LRFN2: variants seen among roughly 807,000 people sequenced by gnomAD.
The protein encoded by LRFN2 is leucine rich repeat and fibronectin type III domain containing 2.
A neutral mutation model predicts 37.3 loss-of-function variants in LRFN2; 18 were observed. The ratio of observed to expected loss-of-function variants is 0.48; its 90% confidence interval spans 0.33 to 0.72. The LOEUF is 0.72. LRFN2 is among the 30% of genes least tolerant of loss of function. The pLI, the probability that LRFN2 is intolerant of heterozygous loss-of-function variation, is 0.02. For missense variants in LRFN2, 1,006 were observed against 1,060.7 expected (o/e 0.95, Z 0.72); for synonymous variants, 556 against 466.6 (o/e 1.19, Z -2.47).
chr6:40,501,900 G>A (rs1765391437), intron 1 of LRFN2: 1 of 152,174 alleles, frequency 6.6e-6, no homozygotes, highest in Non-Finnish European at 1.5e-5. Context: ...TCGGTAGCCT[G>A]AACATTCCAC....
At chr6:40,410,594 C>T (rs1762945877) in intron 2 of LRFN2, among the ~76,000 whole-genome samples, 1 of 152,206 alleles carries the variant, frequency 6.6e-6, no homozygotes, top group Non-Finnish European at 1.5e-5. Flanking sequence ...CAAGCACTGG[C>T]ATACAATATA....
chr6:40,555,510 A>G (rs1041003392), intron 1 of LRFN2, among the ~76,000 whole-genome samples: 2 of 152,212 alleles, frequency 1.3e-5, no homozygotes, highest in Non-Finnish European at 2.9e-5. Context: ...TAACAGCCAG[A>G]GACAGTGTTG....
intron 1 of LRFN2, among the ~76,000 whole-genome samples, chr6:40,460,115 C>T (rs1262020910): frequency 1.3e-5 from 2 of 152,230 alleles, no homozygotes; most frequent in African/African-American, 2.4e-5. Flanking sequence ...GTTCAGAAGT[C>T]CCCATGTGGA....
chr6:40,543,105 A>T (rs973763718), intron 1 of LRFN2, among the ~76,000 whole-genome samples: 2 of 152,230 alleles, frequency 1.3e-5, no homozygotes, highest in African/African-American at 4.8e-5. Flanking sequence ...GATATTCTGA[A>T]GTAATCTTGA....
At chr6:40,522,961 A>G (rs1049226739) in intron 1 of LRFN2, among the ~76,000 whole-genome samples, 3 of 152,204 alleles carry the variant, frequency 2.0e-5, no homozygotes, top group Admixed American at 1.3e-4. Flanking sequence ...AGTGTGTAAT[A>G]AGGGAAGGAC....
At chr6:40,551,437 C>G (rs1766776912) in intron 1 of LRFN2, among the ~76,000 whole-genome samples, 1 of 152,196 alleles carries the variant, frequency 6.6e-6, no homozygotes, top group Admixed American at 6.5e-5. Flanking sequence ...TCAAGCTTCT[C>G]CTGAAGCCCA....
At chr6:40,511,971 G>A (rs1765720587) in intron 1 of LRFN2, among the ~76,000 whole-genome samples, 1 of 152,204 alleles carries the variant, frequency 6.6e-6, no homozygotes, top group South Asian at 2.1e-4. Flanking sequence ...GGCTGAGGAA[G>A]AGGCAGGGAG....
intron 1 of LRFN2, among the ~76,000 whole-genome samples, chr6:40,435,052 T>TATATATAGAGAGAG (rs1482968698): frequency 3.5e-4 from 13 of 37,540 alleles, no homozygotes; most frequent in South Asian, 1.3e-3. Flanking sequence ...TATATATATA[T>TATATATAGAGAGAG]AGAGAGAGAG....
In LRFN2 at chr6:40,410,101, G is replaced by A. The variant is rs528287987; in HGVS notation, c.1401-17189C>T. ...GTGGGCAGCTGGGAAGCCCCACTCT[G>A]TCCAGCCAAGTGGAAGGTCCTGATG... is the stretch of plus-strand genomic sequence containing the variant. On this transcript the variant is annotated intron_variant, in intron 2 of 2. Coordinates refer to ENST00000338305, the MANE Select transcript of LRFN2 (RefSeq NM_020737.3). Among the ~76,000 whole-genome samples the A allele has an allele frequency of 3.3e-5, 5 of 152,262 alleles. No individual in the cohort carries two copies. The South Asian group carries it at 1.0e-3, about 32-fold the overall frequency.
chr6:40,471,329 A>G lies in LRFN2; in HGVS notation c.-18-38198T>C, dbSNP rs149855262. On this transcript the variant is annotated intron_variant, in intron 1 of 2. Coordinates refer to ENST00000338305, the MANE Select transcript of LRFN2 (RefSeq NM_020737.3). ...ATGGATGGCTCTAGTCTCCTGGCAA[A>G]GTAATGAGTAGGCTGTCACTGCATG... is the stretch of plus-strand genomic sequence containing the variant. 5.5e-4 allele frequency among the ~76,000 whole-genome samples: 84 copies of G among 152,276 alleles called. 1 individual carries two copies. In the East Asian group the frequency reaches 0.016, roughly 29 times the overall value.
intron 1 of LRFN2, among the ~76,000 whole-genome samples, chr6:40,573,486 T>C (rs1240714706): frequency 1.3e-5 from 2 of 152,218 alleles, no homozygotes; most frequent in Non-Finnish European, 2.9e-5. Flanking sequence ...GGACAGCATC[T>C]CTGAGCCTGC....
Position 40,533,653 on chromosome 6 carries a change from C to T in LRFN2, c.-19+53288G>A, listed in dbSNP as rs182325219. ...GGCCAGAACATCCCTGCTTTGGACA[C>T]AAAATAAAGGCAGAAGTAGCCCTTA... On this transcript the variant is annotated intron_variant, in intron 1 of 2. Transcript: ENST00000338305. 6.3e-4 allele frequency among the ~76,000 whole-genome samples: 96 copies of T among 152,238 alleles called. 1 individual carries two copies. The highest frequency in any genetic ancestry group is 3.4e-3 in the Middle Eastern group (1 of 294).
intron 1 of LRFN2, among the ~76,000 whole-genome samples, chr6:40,438,390 C>G (rs1763743774): frequency 6.6e-6 from 1 of 152,194 alleles, no homozygotes; most frequent in Non-Finnish European, 1.5e-5. Flanking sequence ...CTGCTGGCCA[C>G]TGGTAGGGTT....
chr6:40,400,013 T>C (rs185447192), intron 2 of LRFN2, among the ~76,000 whole-genome samples: 1 of 151,920 alleles, frequency 6.6e-6, no homozygotes, highest in East Asian at 1.9e-4. Flanking sequence ...CAGTGGTCCC[T>C]CTTCCTTAGC....
chr6:40,473,923 A>G (rs1764658208), intron 1 of LRFN2, among the ~76,000 whole-genome samples: 1 of 152,236 alleles, frequency 6.6e-6, no homozygotes, highest in African/African-American at 2.4e-5. Flanking sequence ...TGGACCCACC[A>G]TGCCCTTAAC....
intron 1 of LRFN2, among the ~76,000 whole-genome samples, chr6:40,481,503 C>T (rs1346303322): frequency 6.6e-6 from 1 of 151,240 alleles, no homozygotes; most frequent in Non-Finnish European, 1.5e-5. Flanking sequence ...AAAAGCAGTC[C>T]CTGGTTCAGA....
At chr6:40,471,438 G>A (rs140704387) in intron 1 of LRFN2, among the ~76,000 whole-genome samples, 82 of 152,196 alleles carry the variant, frequency 5.4e-4, no homozygotes, top group Non-Finnish European at 1.1e-3. Flanking sequence ...GTGTCACACC[G>A]ACTGCTGAAA....
chr6:40,457,973 A>T (rs1764269219), intron 1 of LRFN2, among the ~76,000 whole-genome samples: 1 of 152,242 alleles, frequency 6.6e-6, no homozygotes, highest in Non-Finnish European at 1.5e-5. Context: ...GAATGAAGCT[A>T]TCATTAGCCT....
chr6:40,476,208 G>T (rs1165887604), intron 1 of LRFN2, among the ~76,000 whole-genome samples: 3 of 152,192 alleles, frequency 2.0e-5, no homozygotes, highest in Non-Finnish European at 4.4e-5. Context: ...GGATTATAAA[G>T]TATGAAGGCC....
Sources: allele counts gnomAD v4.1 joint callset (sites outside exome capture counted in the v4.1 genomes callset), GRCh38; gene constraint gnomAD v4.1.1; transcripts MANE v1.5; gene names NCBI Gene and HGNC (gene_info 2026-07-23, HGNC 2026-07-21).